The following CRTC3 variants were observed in gnomAD, a reference collection of about 807,000 sequenced individuals.
CRTC3 encodes the protein CREB-regulated transcription coactivator 3.
A neutral mutation model predicts 74.5 loss-of-function variants in CRTC3; 26 were observed. The ratio of observed to expected loss-of-function variants is 0.35; its 90% CI spans 0.26 to 0.48. The LOEUF is 0.48. Ranked by LOEUF, CRTC3 falls within the 20% of genes least tolerant of loss-of-function variation. CRTC3 has a pLI of 0.99. For synonymous variants in CRTC3, 377 were observed against 325.8 expected, an observed-to-expected ratio of 1.16 and a Z score of -1.69; for missense variants, 760 against 787.3, an observed-to-expected ratio of 0.97 and a Z score of 0.41.
chr15:90,609,335 G>C (rs1968304206), intron 6 of CRTC3, among the ~76,000 whole-genome samples: 1 of 152,212 alleles, frequency 6.6e-6, no homozygotes, highest in African/African-American at 2.4e-5. Context: ...AGTGGGGTGT[G>C]TGGGAAGAGG....
At chr15:90,582,498 G>C (rs767061428) in intron 2 of CRTC3, among the ~76,000 whole-genome samples, 1 of 152,178 alleles carries the variant, frequency 6.6e-6, no homozygotes, top group Non-Finnish European at 1.5e-5. Context: ...GCCCTCACCA[G>C]TTTTTAATAA....
chr15:90,644,974 A>G lies in CRTC3; in HGVS notation c.*2834A>G, dbSNP rs1331673183. On this transcript the variant is annotated 3_prime_UTR_variant, in exon 15 of 15. Coordinates refer to ENST00000268184, the MANE Select transcript of CRTC3 (RefSeq NM_022769.5). ...TTTTAGGACATAGGGGGTTAGGAGAAGGGGTTTCTTGATCATGTCATGAAT... is the reference window on the plus strand; with the variant it reads ...TTTTAGGACATAGGGGGTTAGGAGAGGGGGTTTCTTGATCATGTCATGAAT... 1 of 232,240 alleles carries G rather than the reference A, an allele frequency of 4.3e-6. No homozygotes were observed. The highest frequency in any genetic ancestry group is 8.5e-6 in the Non-Finnish European group (1 of 117,514). 14.4% of individuals were successfully genotyped at this position (232,240 alleles called of 1,614,324 possible).
intron 2 of CRTC3, among the ~76,000 whole-genome samples, chr15:90,576,852 G>C (rs1056826030): frequency 4.0e-5 from 6 of 151,004 alleles, no homozygotes; most frequent in African/African-American, 1.5e-4. Flanking sequence ...GCTGAGGTCT[G>C]TGGGAGTTGA....
intron 2 of CRTC3, among the ~76,000 whole-genome samples, chr15:90,566,446 A>T (rs1967123735): frequency 6.6e-6 from 1 of 151,796 alleles, no homozygotes; most frequent in African/African-American, 2.4e-5. Context: ...GCTACTTGGA[A>T]GGCTGAGGCA....
chr15:90,538,811 C>G (rs1285263139), intron 1 of CRTC3, among the ~76,000 whole-genome samples: 1 of 143,402 alleles, frequency 7.0e-6, no homozygotes, highest in Admixed American at 7.2e-5. Context: ...GTATGATCAT[C>G]GAGGGAAAGA....
At chr15:90,554,142 T>A (rs1966870637) in intron 2 of CRTC3, among the ~76,000 whole-genome samples, 1 of 152,130 alleles carries the variant, frequency 6.6e-6, no homozygotes, top group Non-Finnish European at 1.5e-5. Context: ...AATAAATGAG[T>A]TGTTATACAT....
chr15:90,638,139 C>A, intron 11 of CRTC3: 1 of 271,838 alleles, frequency 3.7e-6, no homozygotes, highest in Non-Finnish European at 6.5e-6. Context: ...CCAGAAGACA[C>A]GGCTATAAAA....
intron 2 of CRTC3, among the ~76,000 whole-genome samples, chr15:90,571,278 G>T (rs1195903770): frequency 6.6e-6 from 1 of 152,150 alleles, no homozygotes; most frequent in Non-Finnish European, 1.5e-5. Context: ...GATTGTGTCC[G>T]AGTGGTGCCT....
Position 90,642,565 on chromosome 15 carries a change from G to A in CRTC3, c.*425G>A, listed in dbSNP as rs779528798. On this transcript the variant is annotated 3_prime_UTR_variant, in exon 15 of 15. Transcript: ENST00000268184. ...CGGAGTGGGAGGCTCGGCCTGGGGC[G>A]GCGGCACCGGAGAGGGCACCTCGAT... 108 of 314,868 alleles carry A rather than the reference G, an allele frequency of 3.4e-4. 1 individual carries two copies. The highest frequency in any genetic ancestry group is 8.4e-5 in the Non-Finnish European group (14 of 167,500). 19.5% of individuals were successfully genotyped at this position (314,868 alleles called of 1,614,324 possible). A position where few individuals can be genotyped will look rare whatever the true frequency, so the allele number is the denominator to read the frequency against.
chr15:90,565,556 A>G (rs920421884), intron 2 of CRTC3, among the ~76,000 whole-genome samples: 1 of 152,154 alleles, frequency 6.6e-6, no homozygotes, highest in African/African-American at 2.4e-5. Context: ...TGTGCTTTTT[A>G]CAAGTTGAAG....
chr15:90,593,723 C>T lies in CRTC3; in HGVS notation c.319C>T (p.His107Tyr). 2 of 1,610,366 alleles carry T rather than the reference C, an allele frequency of 1.2e-6. No homozygotes were observed. Residue 107 changes from histidine (H) to tyrosine (Y), a missense_variant, in exon 3 of 15, where the codon CAC becomes TAC. Physicochemically the swap from His to Tyr is moderately conservative, Grantham distance 83 (BLOSUM62 2). Around this residue, in one of 2 missense-constraint regions of CRTC3, gnomAD observed 652 missense variants for 635.2 expected, o/e 1.03. Coordinates refer to ENST00000268184, the MANE Select transcript of CRTC3 (RefSeq NM_022769.5). Reference protein sequence around the residue: ...RPSRNRFHPLHRRSGDKPGRQ... With the variant: ...RPSRNRFHPLYRRSGDKPGRQ... ...ATCCAGGAACCGCTTCCACCCCCTC[C>T]ACCGAAGGTCTGGGGACAAGCCAGG... is the stretch of plus-strand genomic sequence containing the variant.
In CRTC3 at chr15:90,593,687, G is replaced by C. The variant is rs779053920; in HGVS notation, c.283G>C (p.Val95Leu). Residue 95 changes from valine (V) to leucine (L), a missense_variant, in exon 3 of 15, where the codon GTG (valine) becomes CTG (leucine). This residue lies in a region of CRTC3 where 108 missense variants were observed against 152.1 expected (regional missense o/e 0.71). Transcript: ENST00000268184. ...TCGGGGAACCCGCCATCACGGGCTG[G>C]TGGAGAGGCCATCCAGGAACCGCTT... The part of the protein sequence containing the change: ...NVRGTRHHGL[V>L]ERPSRNRFHP... 1.2e-6 allele frequency: 2 copies of C among 1,612,490 alleles called. No individual in the cohort carries two copies. The highest frequency in any genetic ancestry group is 1.7e-6 in the Non-Finnish European group (2 of 1,178,580).
chr15:90,616,621 T>G (rs1218398242), intron 7 of CRTC3, among the ~76,000 whole-genome samples: 1 of 152,190 alleles, frequency 6.6e-6, no homozygotes, highest in Admixed American at 6.5e-5. Flanking sequence ...CTGGTGTCCC[T>G]AACTTGGAAT....
chr15:90,585,752 C>T (rs1967645602), intron 2 of CRTC3, among the ~76,000 whole-genome samples: 1 of 152,216 alleles, frequency 6.6e-6, no homozygotes, highest in Admixed American at 6.5e-5. Context: ...AAGCCAGCAA[C>T]TCCAGTTCCC....
At chr15:90,546,378 C>T (rs1257523377) in intron 2 of CRTC3, among the ~76,000 whole-genome samples, 1 of 152,112 alleles carries the variant, frequency 6.6e-6, no homozygotes, top group Non-Finnish European at 1.5e-5. Context: ...CCGGACTCTT[C>T]TGTGTCATTG....
intron 2 of CRTC3, among the ~76,000 whole-genome samples, chr15:90,582,314 C>A (rs936963048): frequency 2.0e-5 from 3 of 152,218 alleles, no homozygotes; most frequent in Non-Finnish European, 4.4e-5. Flanking sequence ...ACTTCTACTT[C>A]TGTGGAGGCT....
intron 2 of CRTC3, among the ~76,000 whole-genome samples, chr15:90,584,237 CTTTT>C (rs11355776): frequency 6.9e-5 from 8 of 116,690 alleles, no homozygotes; most frequent in Non-Finnish European, 9.1e-5. Context: ...TTCACCAACG[CTTTT>C]TTTTTTTTTT....
chr15:90,573,643 T>A (rs563813676), intron 2 of CRTC3, among the ~76,000 whole-genome samples: 127 of 152,304 alleles, frequency 8.3e-4, no homozygotes, highest in Non-Finnish European at 1.3e-3. Context: ...CTGTTTTTTT[T>A]CCCATTGATA....
In CRTC3 at chr15:90,629,498, C is replaced by T. The variant is rs745987837; in HGVS notation, c.1232C>T (p.Ser411Leu). The change falls in exon 11 of 15, where the codon TCA (serine) becomes TTA (leucine). Residue 411 changes from serine to leucine, a missense_variant. Transcript: ENST00000268184. Reference sequence around the variant, plus strand: ...CAAGGTTTCAGCAGACAGCTGTCTTCAACCAGCCCACTGGCCCCATATCCT... The same window carrying T: ...CAAGGTTTCAGCAGACAGCTGTCTTTAACCAGCCCACTGGCCCCATATCCT... ...AHQGFSRQLS[S>L]TSPLAPYPTS... The T allele has an allele frequency of 1.9e-6, 3 of 1,614,140 alleles. No homozygotes were observed. The highest frequency in any genetic ancestry group is 2.2e-5 in the South Asian group (2 of 91,084).
Sources: gnomAD v4.1 joint callset for allele counts (sites outside exome capture counted in the v4.1 genomes callset) on GRCh38, gnomAD v4.1.1 for gene constraint, gnomAD v4.1.1 regional missense constraint, MANE v1.5 for transcripts, NCBI Gene and HGNC (gene_info 2026-07-23, HGNC 2026-07-21) for gene names.